The following RBFOX3 variants were observed in gnomAD, a reference collection of about 807,000 sequenced individuals.
RBFOX3 encodes RNA binding protein fox-1 homolog 3.
RBFOX3 carries 17 observed loss-of-function variants against 48.7 expected under a neutral mutation model. That is an observed-to-expected ratio of 0.35 (90% CI 0.24 to 0.52). The LOEUF (loss-of-function observed/expected upper bound fraction) is 0.52. RBFOX3 is among the 20% of genes least tolerant of loss of function. RBFOX3 has a pLI of 0.94. For missense variants in RBFOX3, 382 were observed against 497.5 expected (o/e 0.77, Z 2.21); for synonymous variants, 212 against 209.5 (o/e 1.01, Z -0.10).
intron 1 of RBFOX3, among the ~76,000 whole-genome samples, chr17:79,559,467 T>A (rs2092025692): frequency 1.4e-5 from 2 of 147,658 alleles, no homozygotes; most frequent in African/African-American, 5.1e-5. Context: ...TGGTGACTGA[T>A]GGATACTGCA....
chr17:79,250,706 C>T (rs912750291), intron 3 of RBFOX3, among the ~76,000 whole-genome samples: 5 of 152,170 alleles, frequency 3.3e-5, no homozygotes, highest in Non-Finnish European at 1.5e-5. Context: ...GCAAGACTCC[C>T]TTCGGCAGCC....
intron 1 of RBFOX3, among the ~76,000 whole-genome samples, chr17:79,573,815 G>T (rs1366672692): frequency 6.6e-6 from 1 of 152,186 alleles, no homozygotes; most frequent in African/African-American, 2.4e-5. Flanking sequence ...CTGCCCGGTG[G>T]GGGGAGGGTG....
At chr17:79,589,343 G>T (rs1188698880) in intron 1 of RBFOX3, among the ~76,000 whole-genome samples, 2 of 152,110 alleles carry the variant, frequency 1.3e-5, no homozygotes, top group African/African-American at 4.8e-5. Flanking sequence ...GTGGCCTGTG[G>T]CTGGCTCACC....
chr17:79,363,808 C>T lies in RBFOX3; in HGVS notation c.-174-55984G>A, dbSNP rs1447609166. Among the ~76,000 whole-genome samples the T allele has an allele frequency of 3.3e-5, 5 of 152,132 alleles. No homozygotes were observed. Among genetic ancestry groups the T allele is most frequent in the African/African-American group, 4.8e-5 (2 of 41,430 alleles). On this transcript the variant is annotated intron_variant, in intron 2 of 14. Coordinates refer to ENST00000693108, the MANE Select transcript of RBFOX3 (RefSeq NM_001350451.2). The surrounding 1 kb of genome is among the most constrained non-coding windows in gnomAD (Gnocchi z 4.7). ...TGACTGAGGAAGGTCAATCAGCTCG[C>T]ACCCCTGCCCCACTCAGAACTCTCT... is the stretch of plus-strand genomic sequence containing the variant.
At chr17:79,247,256 C>A (rs917059901) in intron 3 of RBFOX3, among the ~76,000 whole-genome samples, 1 of 151,744 alleles carries the variant, frequency 6.6e-6, no homozygotes, top group Non-Finnish European at 1.5e-5. Flanking sequence ...CATCTCCCCA[C>A]CCTGGCTGGC....
At chr17:79,226,856 C>T (rs75065046) in intron 4 of RBFOX3, among the ~76,000 whole-genome samples, 348 of 152,290 alleles carry the variant, frequency 2.3e-3, no homozygotes, top group African/African-American at 7.8e-3. Flanking sequence ...GAGCGTGAGG[C>T]TGGCAAATTT....
rs1555722611 is a variant in RBFOX3 at position 79,421,893 on chromosome 17, AC to A, written c.-175+60560del. Among the ~76,000 whole-genome samples, 1 of 151,906 alleles carries A rather than the reference AC, an allele frequency of 6.6e-6. No individual in the cohort carries two copies. Among genetic ancestry groups the A allele is most frequent in the African/African-American group, 2.4e-5 (1 of 41,338 alleles). ...CATGGGTTCCAGGAACCCACGCCCC[AC>A]CCCAAGCTGCCCGGTCCTCAGCAAC... On this transcript the variant is annotated intron_variant, in intron 2 of 14. Transcript: ENST00000693108. This position sits in a 1 kb window ranked among gnomAD's most constrained non-coding sequence, Gnocchi z 4.5.
rs994239855 is a variant in RBFOX3, at chr17:79,501,349, G to A, written c.-319-18751C>T. ...CGGAAGGTCCCAGACCCTTCATCTCGCTGGCCAGAGAGGCTGGTTGTCTGC... is the reference window on the plus strand; with the variant it reads ...CGGAAGGTCCCAGACCCTTCATCTCACTGGCCAGAGAGGCTGGTTGTCTGC... On this transcript the variant is annotated intron_variant, in intron 1 of 14. Coordinates refer to ENST00000693108, the MANE Select transcript of RBFOX3 (RefSeq NM_001350451.2). Among the ~76,000 whole-genome samples, 1,201 of 152,268 alleles carry A rather than the reference G, an allele frequency of 7.9e-3. 19 individuals are homozygous for A. Among genetic ancestry groups the A allele is most frequent in the Admixed American group, 0.038 (586 of 15,298 alleles).
At chr17:79,227,169 G>T (rs1206824282) in intron 4 of RBFOX3, among the ~76,000 whole-genome samples, 1 of 152,236 alleles carries the variant, frequency 6.6e-6, no homozygotes. Flanking sequence ...ACTTCTTGCT[G>T]GTTTTGGCCG....
chr17:79,337,768 C>T (rs12943544), intron 2 of RBFOX3, among the ~76,000 whole-genome samples: 50,632 of 151,796 alleles, frequency 0.33, 9,370 homozygotes, highest in South Asian at 0.45. Flanking sequence ...AGAGCAAGAC[C>T]CAGTCTCAAA....
At chr17:79,521,750 C>T (rs1208396419) in intron 1 of RBFOX3, among the ~76,000 whole-genome samples, 3 of 152,208 alleles carry the variant, frequency 2.0e-5, no homozygotes, top group Non-Finnish European at 4.4e-5. Context: ...CATATACATA[C>T]ACAAATACAT....
At chr17:79,218,420 G>C (rs749629667) in intron 4 of RBFOX3, among the ~76,000 whole-genome samples, 22 of 152,112 alleles carry the variant, frequency 1.4e-4, no homozygotes, top group Non-Finnish European at 3.2e-4. Flanking sequence ...GAGGCTCCCC[G>C]ATCAGGTTCC....
chr17:79,292,602 A>G (rs989668807), intron 3 of RBFOX3, among the ~76,000 whole-genome samples: 26 of 87,334 alleles, frequency 3.0e-4, no homozygotes, highest in African/African-American at 4.8e-4. Flanking sequence ...ACACACACGC[A>G]CACACACACA....
At chr17:79,520,775 C>T (rs1387573217) in intron 1 of RBFOX3, among the ~76,000 whole-genome samples, 40 of 152,306 alleles carry the variant, frequency 2.6e-4, no homozygotes, top group African/African-American at 9.6e-4. Flanking sequence ...GAGTCGGGCC[C>T]TCCCGGCTGG....
intron 8 of RBFOX3, among the ~76,000 whole-genome samples, chr17:79,102,791 T>C (rs376803156): frequency 3.9e-5 from 6 of 152,068 alleles, no homozygotes; most frequent in East Asian, 1.9e-4. Context: ...CGCTGCTCCA[T>C]GGTGAGCAGG....
At chr17:79,339,806 A>AT (rs916899731) in intron 2 of RBFOX3, among the ~76,000 whole-genome samples, 2 of 151,996 alleles carry the variant, frequency 1.3e-5, no homozygotes, top group Non-Finnish European at 2.9e-5. Context: ...TTGATTCAGA[A>AT]TTTTTTTTGG....
intron 3 of RBFOX3, among the ~76,000 whole-genome samples, chr17:79,269,572 C>A (rs531078866): frequency 6.6e-6 from 1 of 152,160 alleles, no homozygotes; most frequent in South Asian, 2.1e-4. Context: ...GGATCCTCCT[C>A]CCCGTCTCCC....
intron 1 of RBFOX3, among the ~76,000 whole-genome samples, chr17:79,495,137 G>C (rs1026158280): frequency 6.6e-6 from 1 of 151,764 alleles, no homozygotes; most frequent in East Asian, 2.0e-4. Context: ...CCTGTTTCCC[G>C]GTCCCCTCGA....
At chr17:79,620,060 T>C in the RBFOX3 span, among the ~76,000 whole-genome samples, 176 of 115,138 alleles carry the variant, frequency 1.5e-3, no homozygotes, top group Middle Eastern at 0.015. Context: ...CATGCACACA[T>C]ATGTACATGC....
Sources: gnomAD v4.1 joint callset for allele counts (sites outside exome capture counted in the v4.1 genomes callset) on GRCh38, gnomAD v4.1.1 for gene constraint, Gnocchi (gnomAD v3.1) non-coding constraint, MANE v1.5 for transcripts, NCBI Gene and HGNC (gene_info 2026-07-23, HGNC 2026-07-21) for gene names.